DOCK2: variants seen among roughly 807,000 people sequenced by gnomAD.
The protein encoded by DOCK2 is dedicator of cytokinesis 2.
A neutral mutation model predicts 248.9 loss-of-function variants in DOCK2; 87 were observed. The observed-to-expected ratio is 0.35, with a 90% confidence interval of 0.29 to 0.42. DOCK2 has a LOEUF of 0.42. Ranked by LOEUF, DOCK2 falls within the 10% of genes least tolerant of loss-of-function variation. DOCK2 has a pLI of 1.00. For synonymous variants in DOCK2, 805 were observed against 821.6 expected (o/e 0.98, Z 0.35); for missense variants, 1,747 against 2,300.2 (o/e 0.76, Z 4.92).
At chr5:169,701,108 T>C (rs549733136) in intron 13 of DOCK2, among the ~76,000 whole-genome samples, 1 of 152,238 alleles carries the variant, frequency 6.6e-6, no homozygotes, top group South Asian at 2.1e-4. Context: ...GCTATAACTT[T>C]GAAATAACCA....
intron 10 of DOCK2, among the ~76,000 whole-genome samples, chr5:169,696,219 C>T (rs1049633259): frequency 2.6e-5 from 4 of 152,144 alleles, no homozygotes; most frequent in Non-Finnish European, 4.4e-5. Flanking sequence ...TGCTCCCCAG[C>T]TCTGTGAAAA....
At chr5:169,731,427 C>T (rs1426820886) in intron 22 of DOCK2, among the ~76,000 whole-genome samples, 1 of 152,280 alleles carries the variant, frequency 6.6e-6, no homozygotes, top group East Asian at 1.9e-4. Flanking sequence ...CTGCTGCCAT[C>T]CGTGTAAAAC....
At chr5:169,936,276 C>T (rs1775989728) in intron 27 of DOCK2, among the ~76,000 whole-genome samples, 1 of 152,190 alleles carries the variant, frequency 6.6e-6, no homozygotes, top group Non-Finnish European at 1.5e-5. Context: ...AATGTCCGTG[C>T]TTCAACGACA....
At chr5:170,034,315 A>C in intron 34 of DOCK2, 84 bp from the exon 35 acceptor site, 1 of 1,532,556 alleles carries the variant, frequency 6.5e-7, no homozygotes, top group Non-Finnish European at 8.8e-7. Flanking sequence ...CTGATTTTGC[A>C]TGTGCTCCAT....
Position 170,008,488 on chromosome 5 carries a change from C to G in DOCK2, c.3073-9C>G. 1 of 1,614,020 alleles carries G rather than the reference C, an allele frequency of 6.2e-7. No homozygotes were observed. Among genetic ancestry groups the G allele is most frequent in the Non-Finnish European group, 8.5e-7 (1 of 1,179,882 alleles). ...TCTCCATAACTGTTCTCTGCTCTTT[C>G]ATTTACAGCTGTGGAACAACTATTT... is the stretch of plus-strand genomic sequence containing the variant. On this transcript the variant is annotated splice_polypyrimidine_tract_variant and intron_variant, in intron 30 of 51. Coordinates refer to ENST00000520908, the MANE Select transcript of DOCK2 (RefSeq NM_004946.3).
intron 27 of DOCK2, among the ~76,000 whole-genome samples, chr5:169,890,579 T>C (rs900687348): frequency 6.6e-6 from 1 of 152,164 alleles, no homozygotes; most frequent in Admixed American, 6.5e-5. Flanking sequence ...AAGGGTATAT[T>C]TTGGGGGTCT....
intron 27 of DOCK2, among the ~76,000 whole-genome samples, chr5:169,851,232 T>A (rs1356477062): frequency 1.3e-5 from 2 of 152,204 alleles, no homozygotes; most frequent in Non-Finnish European, 2.9e-5. Flanking sequence ...TGAATAAAGT[T>A]TTGTTTCATG....
chr5:169,972,382 TG>T (rs1777534356), intron 27 of DOCK2, among the ~76,000 whole-genome samples: 1 of 152,178 alleles, frequency 6.6e-6, no homozygotes, highest in African/African-American at 2.4e-5. Flanking sequence ...ATTTTCTTTG[TG>T]GGGGCTATCC....
chr5:169,821,543 TA>T (rs1464601559), intron 26 of DOCK2, among the ~76,000 whole-genome samples: 1 of 152,030 alleles, frequency 6.6e-6, no homozygotes, highest in Non-Finnish European at 1.5e-5. Context: ...GAAGGAGAAA[TA>T]AAATCCTTTA....
chr5:169,698,534 C>CCT, intron 11 of DOCK2, 85 bp downstream of exon 11: 3 of 1,464,300 alleles, frequency 2.0e-6, no homozygotes, highest in Non-Finnish European at 2.9e-6. Flanking sequence ...GTACCAGTTC[C>CCT]CTGAGTTAGT....
chr5:170,035,097 C>T (rs370980147), intron 35 of DOCK2, among the ~76,000 whole-genome samples: 2 of 152,154 alleles, frequency 1.3e-5, no homozygotes, highest in African/African-American at 4.8e-5. Flanking sequence ...CCAGGTTAAC[C>T]AGAGAAGCTA....
intron 2 of DOCK2, among the ~76,000 whole-genome samples, chr5:169,664,075 C>T (rs748336899): frequency 6.6e-6 from 1 of 152,200 alleles, no homozygotes; most frequent in Non-Finnish European, 1.5e-5. Context: ...TTAGAAACAG[C>T]CAGGTCAAAT....
chr5:169,803,007 GA>G (rs1561711018), intron 25 of DOCK2, 50 bp from the exon 26 acceptor site: 13 of 1,589,796 alleles, frequency 8.2e-6, no homozygotes, highest in Middle Eastern at 1.7e-4. Context: ...TGAAAGAAAA[GA>G]AACTAAAAAA....
chr5:169,983,370 A>G (rs909959767), intron 28 of DOCK2, among the ~76,000 whole-genome samples: 1 of 152,192 alleles, frequency 6.6e-6, no homozygotes, highest in Non-Finnish European at 1.5e-5. Flanking sequence ...AGGATTTGTC[A>G]CATGCTAGCT....
intron 27 of DOCK2, among the ~76,000 whole-genome samples, chr5:169,841,060 T>C (rs1456509336): frequency 2.0e-5 from 3 of 152,146 alleles, no homozygotes; most frequent in Non-Finnish European, 2.9e-5. Flanking sequence ...ACTTGTCTAG[T>C]TGAGTGTACC....
rs1767770590 is a variant in DOCK2 at position 169,811,691 on chromosome 5, C to T, written c.2703+8485C>T. ...ACTGGCAGTGTGTGTTCTTATACGA[C>T]ACAGTTGTTTGTTTCTGGTGCCAAA... On this transcript the variant is annotated intron_variant, in intron 26 of 51. Coordinates refer to ENST00000520908, the MANE Select transcript of DOCK2 (RefSeq NM_004946.3). Among the ~76,000 whole-genome samples, 2 of 152,200 alleles carry T rather than the reference C, an allele frequency of 1.3e-5. 1 individual carries two copies. Among genetic ancestry groups the T allele is most frequent in the South Asian group, 4.1e-4 (2 of 4,830 alleles).
rs1776623046 is a variant in DOCK2 at position 169,950,629 on chromosome 5, G to A, written c.2800-32439G>A. Among the ~76,000 whole-genome samples, 3 of 152,196 alleles carry A rather than the reference G, an allele frequency of 2.0e-5. No individual in the cohort carries two copies. In the South Asian group the frequency reaches 6.2e-4, roughly 32 times the overall value. ...GCTACAGATTTTCTATGTGACAGGA[G>A]GCCTCAGGTGTACTCTTTTCCCCTA... On this transcript the variant is annotated intron_variant, in intron 27 of 51. Transcript: ENST00000520908.
chr5:169,788,386 G>A (rs562783073), intron 25 of DOCK2, among the ~76,000 whole-genome samples: 1 of 152,290 alleles, frequency 6.6e-6, no homozygotes, highest in East Asian at 1.9e-4. Context: ...ACACAGTCAA[G>A]TGACTTGAAA....
intron 19 of DOCK2, among the ~76,000 whole-genome samples, chr5:169,714,757 A>C: frequency 6.6e-6 from 1 of 152,200 alleles, no homozygotes; most frequent in Non-Finnish European, 1.5e-5. Flanking sequence ...ATAATATAAA[A>C]GTGACATAGT....
Sources: allele counts gnomAD v4.1 joint callset (sites outside exome capture counted in the v4.1 genomes callset), GRCh38; gene constraint gnomAD v4.1.1; transcripts MANE v1.5; gene names NCBI Gene and HGNC (gene_info 2026-07-23, HGNC 2026-07-21).